The following HYCC2 variants were observed in gnomAD, a reference collection of about 807,000 sequenced individuals.
HYCC2 encodes the protein hyccin 2.
At chr2:201,010,511 C>A in the HYCC2 span, among the ~76,000 whole-genome samples, 1 of 152,146 alleles carries the variant, frequency 6.6e-6, no homozygotes, top group African/African-American at 2.4e-5. Flanking sequence ...AAGTTCAGCT[C>A]AACAGGTATC....
the HYCC2 span, among the ~76,000 whole-genome samples, chr2:201,031,728 G>T: frequency 6.6e-6 from 1 of 152,126 alleles, no homozygotes; most frequent in Admixed American, 6.6e-5. Context: ...CACATTCATG[G>T]TTTACTCTTT....
chr2:200,988,337 T>C, the HYCC2 span: 1 of 1,613,880 alleles, frequency 6.2e-7, no homozygotes. Context: ...ACTGTTGGAG[T>C]GACTTCAACT....
the HYCC2 span, among the ~76,000 whole-genome samples, chr2:201,055,254 T>C: frequency 6.6e-6 from 1 of 152,068 alleles, no homozygotes; most frequent in East Asian, 1.9e-4. Flanking sequence ...ATTTCAGTAG[T>C]ATTAAATACA....
chr2:200,995,099 G>A, the HYCC2 span, among the ~76,000 whole-genome samples: 10 of 151,846 alleles, frequency 6.6e-5, no homozygotes, highest in Non-Finnish European at 1.5e-4. Context: ...TGAACCAAAA[G>A]TAATGAATTA....
chr2:201,057,762 G>T, the HYCC2 span, among the ~76,000 whole-genome samples: 1 of 152,076 alleles, frequency 6.6e-6, no homozygotes, highest in Non-Finnish European at 1.5e-5. Context: ...ATACATGGTT[G>T]CATACAGTCT....
At chr2:200,986,577 G>C in the HYCC2 span, among the ~76,000 whole-genome samples, 2 of 152,038 alleles carry the variant, frequency 1.3e-5, no homozygotes, top group Non-Finnish European at 2.9e-5. Flanking sequence ...GGGGGTTCGG[G>C]GGGGAAGGGT....
the HYCC2 span, among the ~76,000 whole-genome samples, chr2:201,014,323 G>GAT: frequency 1 from 152,205 of 152,222 alleles, 76,094 homozygotes; most frequent in Middle Eastern, 1. Flanking sequence ...GAAACACAGT[G>GAT]ATATATAACA....
chr2:200,986,824 G>A, the HYCC2 span, among the ~76,000 whole-genome samples: 3 of 152,114 alleles, frequency 2.0e-5, no homozygotes, highest in African/African-American at 7.2e-5. Context: ...ATGAATATCA[G>A]CATACTTTGT....
the HYCC2 span, chr2:201,067,082 G>C: frequency 3.3e-6 from 1 of 303,292 alleles, no homozygotes; most frequent in Non-Finnish European, 6.4e-6. Context: ...TAACATTGAT[G>C]AGCCAAGATC....
At chr2:201,046,943 ATAAT>A in the HYCC2 span, among the ~76,000 whole-genome samples, 1 of 152,216 alleles carries the variant, frequency 6.6e-6, no homozygotes, top group Non-Finnish European at 1.5e-5. Flanking sequence ...AAAGTGACCA[ATAAT>A]TAAGAGAAAA....
At chr2:201,030,956 T>C in the HYCC2 span, among the ~76,000 whole-genome samples, 2 of 152,198 alleles carry the variant, frequency 1.3e-5, no homozygotes, top group Admixed American at 1.3e-4. Flanking sequence ...TGGACACAGA[T>C]TGTTTTCAAT....
the HYCC2 span, chr2:200,997,160 C>T: frequency 2.6e-5 from 6 of 229,932 alleles, no homozygotes; most frequent in African/African-American, 1.2e-4. Context: ...GAGGCCCAGG[C>T]GGGAGGATCC....
chr2:200,991,865 T>TA, the HYCC2 span, among the ~76,000 whole-genome samples: 8 of 147,408 alleles, frequency 5.4e-5, no homozygotes, highest in African/African-American at 1.5e-4. Flanking sequence ...CCTGTCCCTA[T>TA]AAAAAAAATA....
At chr2:200,988,332 T>C in the HYCC2 span, 3 of 1,613,932 alleles carry the variant, frequency 1.9e-6, no homozygotes, top group South Asian at 2.2e-5. Context: ...TCGGCACTGT[T>C]GGAGTGACTT....
the HYCC2 span, among the ~76,000 whole-genome samples, chr2:201,048,499 T>G: frequency 6.9e-6 from 1 of 145,028 alleles, no homozygotes; most frequent in Non-Finnish European, 1.5e-5. Flanking sequence ...TTGCAATTTT[T>G]TTTGCAATTT....
chr2:201,054,686 A>G, the HYCC2 span, among the ~76,000 whole-genome samples: 3 of 152,162 alleles, frequency 2.0e-5, no homozygotes, highest in East Asian at 5.8e-4. Context: ...CATTCCTTGT[A>G]TTTCAAGTAA....
chr2:201,008,313 C>T, the HYCC2 span, among the ~76,000 whole-genome samples: 2 of 152,212 alleles, frequency 1.3e-5, no homozygotes, highest in African/African-American at 4.8e-5. Context: ...ACTGACTGCA[C>T]ATCCACTTTT....
At chr2:200,990,940 T>A in the HYCC2 span, among the ~76,000 whole-genome samples, 2 of 151,680 alleles carry the variant, frequency 1.3e-5, no homozygotes, top group African/African-American at 4.9e-5. Context: ...ACTTGTGGCC[T>A]CAGGTGATCC....
At chr2:201,002,744 C>G in the HYCC2 span, among the ~76,000 whole-genome samples, 7 of 152,022 alleles carry the variant, frequency 4.6e-5, no homozygotes, top group African/African-American at 1.7e-4. Context: ...AGGCTGGTTT[C>G]GAACTCCTAA....
Sources: gnomAD v4.1 joint callset for allele counts (sites outside exome capture counted in the v4.1 genomes callset) on GRCh38, gnomAD v4.1.1 for gene constraint, MANE v1.5 for transcripts, NCBI Gene and HGNC (gene_info 2026-07-23, HGNC 2026-07-21) for gene names.